FAM227B: variants seen among roughly 807,000 people sequenced by gnomAD.
The protein encoded by FAM227B is protein FAM227B.
FAM227B carries 88 observed loss-of-function variants against 73.8 expected under a neutral mutation model. That is an observed-to-expected ratio of 1.19 (90% CI 1.00 to 1.42). FAM227B has a LOEUF of 1.42. Among genes scored for constraint, FAM227B ranks in the 40% most tolerant of loss-of-function variants. The pLI is 0.00. For missense variants in FAM227B, 632 were observed against 590.9 expected, an observed-to-expected ratio of 1.07 and a Z score of -0.72; for synonymous variants, 210 against 190.5, an observed-to-expected ratio of 1.10 and a Z score of -0.84.
At chr15:49,409,369 CA>C (rs1396728415) in intron 11 of FAM227B, among the ~76,000 whole-genome samples, 1 of 151,984 alleles carries the variant, frequency 6.6e-6, no homozygotes, top group Non-Finnish European at 1.5e-5. Context: ...CCTTCTGTAT[CA>C]ATATTCCAAT....
chr15:49,493,536 A>T (rs1462490459), intron 11 of FAM227B, among the ~76,000 whole-genome samples: 17 of 151,930 alleles, frequency 1.1e-4, no homozygotes, highest in Admixed American at 1.1e-3. Context: ...CAAAATCAAG[A>T]TTCTCCTCTT....
chr15:49,551,345 A>G (rs528087506), intron 9 of FAM227B, among the ~76,000 whole-genome samples: 1 of 152,262 alleles, frequency 6.6e-6, no homozygotes, highest in South Asian at 2.1e-4. Flanking sequence ...CCCCTTTATT[A>G]TTATGTAATA....
Position 49,577,569 on chromosome 15 carries a change from T to A in FAM227B, c.441+60A>T. ...GCCTTGTTTATATTGTTGTAAACAT[T>A]ATTTTAGTCCTACATAATACACTTG... is the stretch of plus-strand genomic sequence containing the variant. On this transcript the variant is annotated intron_variant, in intron 6 of 15. Transcript: ENST00000299338. 3.9e-6 allele frequency: 4 copies of A among 1,030,640 alleles called. No individual in the cohort carries two copies. In the South Asian group the frequency reaches 6.2e-5, roughly 16 times the overall value. The allele number at this position is 1,030,640 out of a possible 1,614,324, so 63.8% of individuals were successfully genotyped here.
At chr15:49,522,400 T>C (rs2152177622) in intron 10 of FAM227B, among the ~76,000 whole-genome samples, 1 of 152,304 alleles carries the variant, frequency 6.6e-6, no homozygotes, top group East Asian at 1.9e-4. Flanking sequence ...CAGAGTGTTT[T>C]GACATCCCCA....
chr15:49,481,155 T>A (rs1159204220), intron 11 of FAM227B, among the ~76,000 whole-genome samples: 1 of 152,188 alleles, frequency 6.6e-6, no homozygotes, highest in Non-Finnish European at 1.5e-5. Flanking sequence ...TTTACAATGC[T>A]AAGATCTTTA....
chr15:49,435,192 A>AT (rs2066775083), intron 11 of FAM227B, among the ~76,000 whole-genome samples: 1 of 151,678 alleles, frequency 6.6e-6, no homozygotes, highest in South Asian at 2.1e-4. Flanking sequence ...ATCTTTGACC[A>AT]TAAGTGTAAC....
intron 11 of FAM227B, among the ~76,000 whole-genome samples, chr15:49,407,869 T>A (rs1450111200): frequency 6.6e-6 from 1 of 151,912 alleles, no homozygotes; most frequent in Non-Finnish European, 1.5e-5. Context: ...CCACTCCACA[T>A]CCGCTGGCAA....
At chr15:49,591,379 C>CCCTTCCCTCCCTCCCTCCTTCCTT (rs2076555755) in intron 3 of FAM227B, among the ~76,000 whole-genome samples, 1 of 110,854 alleles carries the variant, frequency 9.0e-6, no homozygotes, top group South Asian at 3.5e-4. Flanking sequence ...CTCCCTCCCT[C>CCCTTCCCTCCCTCCCTCCTTCCTT]CCTTCCCTCC....
intron 11 of FAM227B, chr15:49,424,494 T>C: frequency 6.2e-7 from 1 of 1,613,056 alleles, no homozygotes; most frequent in Non-Finnish European, 8.5e-7. Context: ...GATATAAGAG[T>C]GAGAAGACTC....
In FAM227B at chr15:49,327,796, T is replaced by G; in HGVS notation, c.*772A>C. 1.6e-6 allele frequency: 1 copy of G among 633,344 alleles called. No individual in the cohort carries two copies. Among genetic ancestry groups the G allele is most frequent in the Non-Finnish European group, 2.6e-6 (1 of 385,302 alleles). 39.2% of individuals were successfully genotyped at this position (633,344 alleles called of 1,614,324 possible). On this transcript the variant is annotated 3_prime_UTR_variant, in exon 16 of 16. Coordinates refer to ENST00000299338, the MANE Select transcript of FAM227B (RefSeq NM_152647.3). ...TTCCAAATCACTCTCTGAAACAGTA[T>G]AAATGTCTTAATGTCCTAAAATGTT... is the stretch of plus-strand genomic sequence containing the variant.
chr15:49,585,464 T>C (rs1009929930), intron 5 of FAM227B, among the ~76,000 whole-genome samples: 8 of 152,276 alleles, frequency 5.3e-5, no homozygotes, highest in African/African-American at 1.9e-4. Flanking sequence ...AATGATAGAC[T>C]GGATTAAGAA....
intron 11 of FAM227B, among the ~76,000 whole-genome samples, chr15:49,384,763 A>C (rs1009362444): frequency 1.3e-5 from 2 of 152,034 alleles, no homozygotes; most frequent in Non-Finnish European, 2.9e-5. Flanking sequence ...TAAAATGACA[A>C]CAATATGTAC....
chr15:49,489,824 A>ATATATATATATATAT (rs2056793680), intron 11 of FAM227B, among the ~76,000 whole-genome samples: 1 of 21,430 alleles, frequency 4.7e-5, no homozygotes, highest in Non-Finnish European at 8.5e-5. Context: ...TATATATTTT[A>ATATATATATATATAT]TATATATATA....
intron 11 of FAM227B, among the ~76,000 whole-genome samples, chr15:49,441,153 A>G (rs1431455383): frequency 6.6e-6 from 1 of 151,740 alleles, no homozygotes; most frequent in Admixed American, 6.6e-5. Context: ...ATTACCTTAA[A>G]AGGAGAAGAG....
chr15:49,420,947 C>T (rs1031115519), intron 11 of FAM227B, among the ~76,000 whole-genome samples: 1 of 152,118 alleles, frequency 6.6e-6, no homozygotes, highest in African/African-American at 2.4e-5. Flanking sequence ...ACTTTGTGAT[C>T]CATCCGCCTC....
intron 11 of FAM227B, among the ~76,000 whole-genome samples, chr15:49,393,443 A>C (rs2047354496): frequency 6.6e-6 from 1 of 152,176 alleles, no homozygotes; most frequent in Admixed American, 6.6e-5. Flanking sequence ...TGCACTGAAC[A>C]AAAAACTAAA....
intron 11 of FAM227B, among the ~76,000 whole-genome samples, chr15:49,505,164 T>C (rs950319169): frequency 6.6e-6 from 1 of 152,162 alleles, no homozygotes; most frequent in African/African-American, 2.4e-5. Context: ...CAGCATGCAC[T>C]CTATATAATT....
chr15:49,603,161 C>A (rs2077311476), intron 3 of FAM227B, among the ~76,000 whole-genome samples: 1 of 152,154 alleles, frequency 6.6e-6, no homozygotes, highest in African/African-American at 2.4e-5. Flanking sequence ...TTAGGATTTT[C>A]TTTTCTATTT....
At chr15:49,352,006 G>C (rs1294563498) in intron 13 of FAM227B, among the ~76,000 whole-genome samples, 3 of 152,210 alleles carry the variant, frequency 2.0e-5, no homozygotes, top group African/African-American at 7.2e-5. Flanking sequence ...CTAAGATGGA[G>C]TCTATCATGT....
Sources: gnomAD v4.1 joint callset for allele counts (sites outside exome capture counted in the v4.1 genomes callset) on GRCh38, gnomAD v4.1.1 for gene constraint, MANE v1.5 for transcripts, NCBI Gene and HGNC (gene_info 2026-07-23, HGNC 2026-07-21) for gene names.